Variants in CLDN16 observed in about 807,000 individuals in gnomAD.
The protein encoded by CLDN16 is claudin 16, also known as claudin-16.
In CLDN16, 13 loss-of-function variants were observed where a neutral mutation model predicts 24.6. The observed-to-expected ratio is 0.53, with a 90% CI of 0.34 to 0.84. CLDN16 has a LOEUF of 0.84. CLDN16 is among the 40% of genes least tolerant of loss of function. The pLI is 0.01. For missense variants in CLDN16, 298 were observed against 292.7 expected, an observed-to-expected ratio of 1.02 and a Z score of -0.13; for synonymous variants, 116 against 106.7, an observed-to-expected ratio of 1.09 and a Z score of -0.54.
At chr3:190,369,114 A>G (rs1041523765) in intron 1 of CLDN16, among the ~76,000 whole-genome samples, 1 of 151,862 alleles carries the variant, frequency 6.6e-6, no homozygotes. Context: ...TCCTTGAAAG[A>G]CAGATTTTTT....
the CLDN16 span, among the ~76,000 whole-genome samples, chr3:190,290,633 C>T: frequency 6.6e-6 from 1 of 152,164 alleles, no homozygotes; most frequent in Non-Finnish European, 1.5e-5. Flanking sequence ...CCAACTATCT[C>T]ACCTGCTTAG....
At chr3:190,336,265 A>G (rs1717301939) in intron 1 of CLDN16, among the ~76,000 whole-genome samples, 1 of 152,194 alleles carries the variant, frequency 6.6e-6, no homozygotes, top group African/African-American at 2.4e-5. Context: ...AACTTCAGAA[A>G]AGCCTAAATT....
intron 4 of CLDN16, among the ~76,000 whole-genome samples, chr3:190,409,536 T>G (rs984941823): frequency 6.6e-6 from 1 of 152,062 alleles, no homozygotes; most frequent in South Asian, 2.1e-4. Context: ...CTTCACCCAC[T>G]CAACTAAATG....
intron 1 of CLDN16, among the ~76,000 whole-genome samples, chr3:190,369,861 T>A (rs1718099723): frequency 1.3e-5 from 2 of 151,962 alleles, no homozygotes; most frequent in South Asian, 4.1e-4. Context: ...ACTTGTTTGT[T>A]GCAGGGAGGA....
intron 1 of CLDN16, among the ~76,000 whole-genome samples, chr3:190,327,124 C>A (rs1717081228): frequency 6.6e-6 from 1 of 152,024 alleles, no homozygotes; most frequent in South Asian, 2.1e-4. Context: ...GTTGTGGGAG[C>A]TGCCAAATTC....
intron 1 of CLDN16, among the ~76,000 whole-genome samples, chr3:190,335,708 C>CA (rs34082811): frequency 0.36 from 21,793 of 59,934 alleles, 3,855 homozygotes; most frequent in East Asian, 0.58. Context: ...AAGACTCCAT[C>CA]AAAAAAAAAA....
Position 190,402,388 on chromosome 3 carries a change from G to C in CLDN16, c.166G>C (p.Asp56His). Residue 56 changes from aspartate to histidine, a missense_variant, in exon 2 of 5, where the codon GAT becomes CAT. Transcript: ENST00000264734. ...LWWECVTNAF[D>H]GIRTCDEYDS... Reference sequence around the variant, plus strand: ...GTGGGAATGCGTCACAAATGCTTTTGATGGGATTCGCACCTGTGATGAGTA... The same window carrying C: ...GTGGGAATGCGTCACAAATGCTTTTCATGGGATTCGCACCTGTGATGAGTA... 2 of 1,614,096 alleles carry C rather than the reference G, an allele frequency of 1.2e-6. No individual in the cohort carries two copies. Among genetic ancestry groups the C allele is most frequent in the Non-Finnish European group, 1.7e-6 (2 of 1,180,022 alleles).
intron 1 of CLDN16, among the ~76,000 whole-genome samples, chr3:190,393,561 G>A (rs1196139842): frequency 6.6e-6 from 1 of 152,148 alleles, no homozygotes. Context: ...ATATGAATCA[G>A]CCAATAAATA....
intron 1 of CLDN16, among the ~76,000 whole-genome samples, chr3:190,368,469 G>A (rs1718069055): frequency 6.6e-6 from 1 of 151,920 alleles, no homozygotes; most frequent in African/African-American, 2.4e-5. Context: ...CCATAGAAAT[G>A]TTTGTTGTTT....
At chr3:190,366,220 G>C (rs989878618) in intron 1 of CLDN16, among the ~76,000 whole-genome samples, 26 of 151,750 alleles carry the variant, frequency 1.7e-4, no homozygotes, top group Admixed American at 1.6e-3. Context: ...ATAGCTTTTA[G>C]GCTTTCATTT....
the CLDN16 span, among the ~76,000 whole-genome samples, chr3:190,294,132 T>C: frequency 1.3e-5 from 2 of 152,146 alleles, no homozygotes; most frequent in Non-Finnish European, 2.9e-5. Context: ...ATCTGGGGGA[T>C]TTTTCAGCTA....
intron 3 of CLDN16, among the ~76,000 whole-genome samples, chr3:190,377,626 G>T (rs1181610321): frequency 2.6e-5 from 4 of 151,990 alleles, no homozygotes; most frequent in South Asian, 2.1e-4. Flanking sequence ...ACTATGAAAA[G>T]CTCTAAAATC....
chr3:190,394,688 A>G (rs1222421963), intron 1 of CLDN16, among the ~76,000 whole-genome samples: 2 of 152,188 alleles, frequency 1.3e-5, no homozygotes, highest in Non-Finnish European at 2.9e-5. Context: ...TAGAGCGCCT[A>G]GTAACACACT....
At chr3:190,312,805 C>T in the CLDN16 span, 40 of 1,552,556 alleles carry the variant, frequency 2.6e-5, 1 homozygote, top group East Asian at 1.3e-4. Flanking sequence ...ATGAATCCAA[C>T]GTAATAGATT....
At chr3:190,386,461 C>T (rs1718500099), upstream of CLDN16, among the ~76,000 whole-genome samples, 2 of 152,050 alleles carry the variant, frequency 1.3e-5, no homozygotes, top group Admixed American at 1.3e-4. Context: ...CTATACGCAA[C>T]AGTAGGTCAG....
chr3:190,313,942 C>T, the CLDN16 span, among the ~76,000 whole-genome samples: 1 of 152,116 alleles, frequency 6.6e-6, no homozygotes, highest in African/African-American at 2.4e-5. Flanking sequence ...TGAACTGAAA[C>T]TATGCTGGTT....
intron 1 of CLDN16, among the ~76,000 whole-genome samples, chr3:190,368,688 T>C (rs1426829218): frequency 2.0e-5 from 3 of 151,924 alleles, no homozygotes; most frequent in Non-Finnish European, 4.4e-5. Flanking sequence ...TCCTGGATGG[T>C]TAAATGTGTG....
At chr3:190,401,849 A>G (rs1387990674) in intron 1 of CLDN16, among the ~76,000 whole-genome samples, 1 of 151,954 alleles carries the variant, frequency 6.6e-6, no homozygotes, top group African/African-American at 2.4e-5. Flanking sequence ...TATAAACTTC[A>G]TATATAAAGA....
intron 1 of CLDN16, chr3:190,370,798 C>A (rs1018119308): frequency 5.9e-5 from 9 of 151,744 alleles, no homozygotes; most frequent in East Asian, 2.0e-4. Context: ...ACCATCTAAT[C>A]AGCTGCCAGT....
Sources: allele counts gnomAD v4.1 joint callset (sites outside exome capture counted in the v4.1 genomes callset), GRCh38; gene constraint gnomAD v4.1.1; transcripts MANE v1.5; gene names NCBI Gene and HGNC (gene_info 2026-07-23, HGNC 2026-07-21).